The following MTMR12 variants were observed in gnomAD, a reference collection of about 807,000 sequenced individuals.
MTMR12 encodes the protein myotubularin-related protein 12.
In MTMR12, 33 loss-of-function variants were observed where a neutral mutation model predicts 96.7. That is an observed-to-expected ratio of 0.34 (90% CI 0.26 to 0.46). The LOEUF (loss-of-function observed/expected upper bound fraction) is 0.46, where lower values mean the gene tolerates loss of function less well. MTMR12 is among the 20% of genes least tolerant of loss of function. The pLI is 1.00. For synonymous variants in MTMR12, 298 were observed against 327.2 expected (o/e 0.91, Z 0.96); for missense variants, 721 against 896.1 (o/e 0.80, Z 2.49).
intron 7 of MTMR12, among the ~76,000 whole-genome samples, chr5:32,256,704 G>A (rs944896388): frequency 6.6e-6 from 1 of 152,208 alleles, no homozygotes; most frequent in Non-Finnish European, 1.5e-5. Context: ...TGCTTATGGT[G>A]TTAAGTTACA....
intron 15 of MTMR12, among the ~76,000 whole-genome samples, chr5:32,232,339 A>G (rs13188350): frequency 0.15 from 22,504 of 152,198 alleles, 2,066 homozygotes; most frequent in East Asian, 0.22. Flanking sequence ...CCCCGTCCCA[A>G]CTGTGATTTA....
At position 32,229,769 on chromosome 5, in the gene MTMR12, A is replaced by G; in HGVS notation, c.*9T>C. The G allele has an allele frequency of 6.6e-7, 1 of 1,513,864 alleles. No homozygotes were observed. Among genetic ancestry groups the G allele is most frequent in the Non-Finnish European group, 8.8e-7 (1 of 1,130,838 alleles). 93.8% of individuals were successfully genotyped at this position (1,513,864 alleles called of 1,614,324 possible). ...CACATTCCTCTTTCACAATCACTCAACAAACAGGTCACACATCCCCTAGGT... is the reference window on the plus strand; with the variant it reads ...CACATTCCTCTTTCACAATCACTCAGCAAACAGGTCACACATCCCCTAGGT... On this transcript the variant is annotated 3_prime_UTR_variant, in exon 16 of 16. Transcript: ENST00000382142.
At chr5:32,244,818 A>G (rs114411015) in intron 10 of MTMR12, among the ~76,000 whole-genome samples, 3,576 of 152,318 alleles carry the variant, frequency 0.023, 56 homozygotes, top group African/African-American at 0.032. Context: ...AGCATAGTTA[A>G]TATATACAAG....
At chr5:32,268,949 CT>C (rs1357546361) in intron 5 of MTMR12, among the ~76,000 whole-genome samples, 155 bp from the exon 6 acceptor site, 4 of 152,006 alleles carry the variant, frequency 2.6e-5, no homozygotes, top group African/African-American at 9.7e-5. Context: ...ATGACATTAG[CT>C]TTTTGGAATA....
intron 8 of MTMR12, among the ~76,000 whole-genome samples, chr5:32,255,195 T>C (rs1401284190): frequency 3.3e-5 from 5 of 152,178 alleles, no homozygotes; most frequent in Non-Finnish European, 7.3e-5. Context: ...CAACCACCAA[T>C]TAGAAACCGG....
intron 15 of MTMR12, among the ~76,000 whole-genome samples, chr5:32,231,708 T>C: frequency 6.6e-6 from 1 of 151,876 alleles, no homozygotes; most frequent in Non-Finnish European, 1.5e-5. Context: ...AGCTCGGAGG[T>C]GACCAGGATT....
At chr5:32,238,925 A>C in intron 13 of MTMR12, 76 bp downstream of exon 13, 2 of 1,394,604 alleles carry the variant, frequency 1.4e-6, no homozygotes, top group South Asian at 3.9e-5. Context: ...ATCCTACTAC[A>C]TCTGATGACA....
intron 1 of MTMR12, among the ~76,000 whole-genome samples, chr5:32,299,501 G>A (rs1751052490): frequency 6.6e-6 from 1 of 152,218 alleles, no homozygotes; most frequent in Non-Finnish European, 1.5e-5. Flanking sequence ...GAGACACATG[G>A]CATTGCCATC....
At chr5:32,289,249 T>C (rs1750655789) in intron 1 of MTMR12, among the ~76,000 whole-genome samples, 1 of 152,214 alleles carries the variant, frequency 6.6e-6, no homozygotes. Context: ...GCCTACTGCA[T>C]TCCTACTTAA....
At chr5:32,258,735 G>A (rs546637319) in intron 7 of MTMR12, among the ~76,000 whole-genome samples, 1 of 152,106 alleles carries the variant, frequency 6.6e-6, no homozygotes, top group Non-Finnish European at 1.5e-5. Flanking sequence ...ACAGTCATCT[G>A]TGCAGTTGTT....
Position 32,312,929 on chromosome 5 carries a change from G to T in MTMR12, c.-91C>A. 2 of 1,233,996 alleles carry T rather than the reference G, an allele frequency of 1.6e-6. No homozygotes were observed. Among genetic ancestry groups the T allele is most frequent in the Non-Finnish European group, 2.1e-6 (2 of 936,982 alleles). 76.4% of individuals were successfully genotyped at this position (1,233,996 alleles called of 1,614,324 possible). A position where few individuals can be genotyped will look rare whatever the true frequency, so the allele number is the denominator to read the frequency against. On this transcript the variant is annotated 5_prime_UTR_variant, in exon 1 of 16. Coordinates refer to ENST00000382142, the MANE Select transcript of MTMR12 (RefSeq NM_001040446.3). This position sits in a 1 kb window ranked among gnomAD's most constrained non-coding sequence, Gnocchi z 5.0. ...GCAGCGGCGGCCACCAGCACTAGCG[G>T]CTGGGGCTCCGCCCATCCCCAAGGC...
Position 32,247,128 on chromosome 5 carries a change from T to C in MTMR12, c.1021+874A>G, listed in dbSNP as rs1004386739. 3.9e-5 allele frequency among the ~76,000 whole-genome samples: 6 copies of C among 152,152 alleles called. No homozygotes were observed. In the South Asian group the frequency reaches 6.2e-4, roughly 16 times the overall value. On this transcript the variant is annotated intron_variant, in intron 10 of 15. Coordinates refer to ENST00000382142, the MANE Select transcript of MTMR12 (RefSeq NM_001040446.3). Reference sequence around the variant, plus strand: ...ACTTTGCAAGGCCAAAGTGGGAGGATTGCTTGAGCCCCGGAGTTCAAGATC... The same window carrying C: ...ACTTTGCAAGGCCAAAGTGGGAGGACTGCTTGAGCCCCGGAGTTCAAGATC...
At chr5:32,271,282 C>T (rs903107760) in intron 4 of MTMR12, among the ~76,000 whole-genome samples, 1 of 152,186 alleles carries the variant, frequency 6.6e-6, no homozygotes, top group African/African-American at 2.4e-5. Flanking sequence ...GACATGCTTT[C>T]ATGACAGTCA....
intron 1 of MTMR12, among the ~76,000 whole-genome samples, chr5:32,303,702 G>A (rs1161662407): frequency 6.6e-6 from 1 of 151,994 alleles, no homozygotes; most frequent in Non-Finnish European, 1.5e-5. Flanking sequence ...GTCTACCACT[G>A]CTTTTTTATA....
rs1332374049 is a variant in MTMR12, at chr5:32,229,053, G to C, written c.*725C>G. ...CTGGGACTACACGCACCAAGGCAGGGAGTGCAGAGGGACAGCGGCGAGTGG... is the reference window on the plus strand; with the variant it reads ...CTGGGACTACACGCACCAAGGCAGGCAGTGCAGAGGGACAGCGGCGAGTGG... On this transcript the variant is annotated 3_prime_UTR_variant, in exon 16 of 16. Transcript: ENST00000382142. 6.6e-6 allele frequency: 1 copy of C among 152,508 alleles called. No individual in the cohort carries two copies. Among genetic ancestry groups the C allele is most frequent in the East Asian group, 1.9e-4 (1 of 5,200 alleles). 9.4% of individuals were successfully genotyped at this position (152,508 alleles called of 1,614,324 possible).
intron 1 of MTMR12, among the ~76,000 whole-genome samples, chr5:32,279,372 A>G (rs1339618397): frequency 6.6e-6 from 1 of 152,040 alleles, no homozygotes; most frequent in Admixed American, 6.6e-5. Context: ...GTGAGCCATG[A>G]CTGCACCACT....
At chr5:32,253,655 C>T (rs1749034006) in intron 8 of MTMR12, among the ~76,000 whole-genome samples, 1 of 152,262 alleles carries the variant, frequency 6.6e-6, no homozygotes, top group African/African-American at 2.4e-5. Context: ...CAGAGTCTTA[C>T]TCTGTTGCCC....
rs557279566 is a variant in MTMR12 at position 32,258,715 on chromosome 5, C to T, written c.714-2947G>A. 4.1e-4 allele frequency among the ~76,000 whole-genome samples: 63 copies of T among 152,212 alleles called. No homozygotes were observed. In the South Asian group the frequency reaches 0.011, roughly 27 times the overall value. ...TTACAAACAGGCCACTGTTTCTCAA[C>T]CTTTTCAGGACAGTCATCTGTGCAG... is the stretch of plus-strand genomic sequence containing the variant. On this transcript the variant is annotated intron_variant, in intron 7 of 15. Coordinates refer to ENST00000382142, the MANE Select transcript of MTMR12 (RefSeq NM_001040446.3).
chr5:32,295,166 C>T (rs1750879178), intron 1 of MTMR12, among the ~76,000 whole-genome samples: 1 of 152,244 alleles, frequency 6.6e-6, no homozygotes, highest in Non-Finnish European at 1.5e-5. Flanking sequence ...TCCGAGCAGG[C>T]CTGACTAGCA....
Sources: gnomAD v4.1 joint callset for allele counts (sites outside exome capture counted in the v4.1 genomes callset) on GRCh38, gnomAD v4.1.1 for gene constraint, Gnocchi (gnomAD v3.1) non-coding constraint, MANE v1.5 for transcripts, NCBI Gene and HGNC (gene_info 2026-07-23, HGNC 2026-07-21) for gene names.